CELF1: variants seen among roughly 807,000 people sequenced by gnomAD.
The protein encoded by CELF1 is 50 kDa nuclear polyadenylated RNA-binding protein.
In CELF1, 10 loss-of-function variants were observed where a neutral mutation model predicts 61.8. The observed-to-expected ratio is 0.16, with a 90% CI of 0.10 to 0.27. The LOEUF (loss-of-function observed/expected upper bound fraction) is 0.27. Among genes scored for constraint, CELF1 ranks in the 10% least tolerant of loss-of-function variants. The pLI, the probability that CELF1 is intolerant of heterozygous loss-of-function variation, is 1.00. For missense variants in CELF1, 380 were observed against 639.1 expected (o/e 0.59, Z 4.37); for synonymous variants, 236 against 225.1 (o/e 1.05, Z -0.43).
intron 1 of CELF1, among the ~76,000 whole-genome samples, chr11:47,517,688 T>C (rs1290833930): frequency 2.0e-5 from 3 of 151,668 alleles, no homozygotes; most frequent in African/African-American, 7.3e-5. Context: ...GTTATGCTCT[T>C]GTTGCCCAGG....
intron 1 of CELF1, among the ~76,000 whole-genome samples, chr11:47,508,436 AGTT>A (rs1403276455): frequency 4.6e-5 from 7 of 152,096 alleles, no homozygotes; most frequent in Non-Finnish European, 8.8e-5. Context: ...GGAGATCTGG[AGTT>A]GTTAAGAAAG....
intron 3 of CELF1, chr11:47,494,581 A>C (rs1180169350): frequency 3.9e-6 from 3 of 765,516 alleles, no homozygotes; most frequent in African/African-American, 1.9e-5. Flanking sequence ...CCCCTCTCAA[A>C]ATTTCCCCAC....
intron 1 of CELF1, among the ~76,000 whole-genome samples, chr11:47,515,408 A>T (rs1264536951): frequency 6.6e-6 from 1 of 152,170 alleles, no homozygotes; most frequent in Non-Finnish European, 1.5e-5. Flanking sequence ...CACTTGCTCA[A>T]ATCTGGCATG....
rs961930086 is a variant in CELF1 at position 47,469,425 on chromosome 11, T to C, written c.*2805A>G. 1 of 152,284 alleles carries C rather than the reference T, an allele frequency of 6.6e-6. No homozygotes were observed. The allele number at this position is 152,284 out of a possible 1,614,324, so 9.4% of individuals were successfully genotyped here. On this transcript the variant is annotated 3_prime_UTR_variant, in exon 15 of 15. Coordinates refer to ENST00000687097, the MANE Select transcript of CELF1 (RefSeq NM_001376376.1). ...CATTCAAGGCAAATCAATTTCATGA[T>C]GTAACCCAAGTAAGAAACAAAACTA... is the stretch of plus-strand genomic sequence containing the variant.
At chr11:47,490,865 C>CTTT (rs753432504) in intron 3 of CELF1, among the ~76,000 whole-genome samples, 1 of 141,364 alleles carries the variant, frequency 7.1e-6, no homozygotes, top group African/African-American at 2.6e-5. Flanking sequence ...TATTTTCTTT[C>CTTT]TTTTTTTTTT....
At chr11:47,524,844 CA>C (rs1387480171) in intron 1 of CELF1, 1 of 152,210 alleles carries the variant, frequency 6.6e-6, no homozygotes, top group Non-Finnish European at 1.5e-5. Flanking sequence ...AATTATCTCA[CA>C]CACATGCATT....
chr11:47,552,449 G>A (rs775029413), intron 1 of CELF1, among the ~76,000 whole-genome samples: 7 of 152,230 alleles, frequency 4.6e-5, no homozygotes, highest in African/African-American at 1.7e-4. Flanking sequence ...CACCTGATGT[G>A]GGGGGAGGGC....
chr11:47,537,806 G>A (rs1251310150), intron 1 of CELF1, among the ~76,000 whole-genome samples: 3 of 151,946 alleles, frequency 2.0e-5, no homozygotes, highest in South Asian at 2.1e-4. Context: ...CAAGGCCCCA[G>A]TACTTATGTA....
chr11:47,536,334 CCAT>C (rs2096628522), intron 1 of CELF1, among the ~76,000 whole-genome samples: 3 of 152,146 alleles, frequency 2.0e-5, no homozygotes, highest in Admixed American at 6.6e-5. Context: ...CCACTGTACT[CCAT>C]CGTGGGCGAC....
intron 1 of CELF1, among the ~76,000 whole-genome samples, chr11:47,525,355 T>C (rs1388213526): frequency 6.6e-6 from 1 of 152,248 alleles, no homozygotes; most frequent in Admixed American, 6.5e-5. Flanking sequence ...ATGTGAAGTA[T>C]GTGAAAAGCT....
intron 1 of CELF1, among the ~76,000 whole-genome samples, chr11:47,518,519 C>T (rs1205912387): frequency 6.6e-6 from 1 of 152,218 alleles, no homozygotes; most frequent in Admixed American, 6.5e-5. Flanking sequence ...AAAAACCCTA[C>T]AGTCCCTGCA....
chr11:47,564,089 G>A (rs1444327363), intron 2 of CELF1, among the ~76,000 whole-genome samples: 3 of 149,836 alleles, frequency 2.0e-5, no homozygotes, highest in Non-Finnish European at 4.4e-5. Flanking sequence ...ACTTTGGGAG[G>A]CTGAGGCTGG....
intron 3 of CELF1, among the ~76,000 whole-genome samples, chr11:47,494,175 C>A (rs1335052263): frequency 6.6e-6 from 1 of 152,162 alleles, no homozygotes; most frequent in African/African-American, 2.4e-5. Flanking sequence ...CAGCCCTGAC[C>A]TGGGAACAGG....
At chr11:47,561,811 A>C (rs1413774787) in intron 2 of CELF1, among the ~76,000 whole-genome samples, 2 of 152,234 alleles carry the variant, frequency 1.3e-5, no homozygotes, top group African/African-American at 4.8e-5. Context: ...TGGTCTGTCC[A>C]TACATTGAAA....
chr11:47,476,449 G>A (rs1047419543), intron 12 of CELF1, among the ~76,000 whole-genome samples: 2 of 151,750 alleles, frequency 1.3e-5, no homozygotes, highest in East Asian at 1.9e-4. Context: ...TTTTTGAGAC[G>A]GACTCTCGCT....
At chr11:47,487,599 C>T (rs979025419) in intron 4 of CELF1, among the ~76,000 whole-genome samples, 1 of 152,186 alleles carries the variant, frequency 6.6e-6, no homozygotes, top group African/African-American at 2.4e-5. Context: ...ACAGATGGGG[C>T]TCTATACTTT....
intron 6 of CELF1, 102 bp from the exon 7 acceptor site, chr11:47,484,625 A>C: frequency 1.1e-6 from 1 of 879,874 alleles, no homozygotes; most frequent in Non-Finnish European, 1.8e-6. Context: ...CTGGCTCTGT[A>C]CCATATTTTA....
chr11:47,527,862 G>A (rs562444062), intron 1 of CELF1, among the ~76,000 whole-genome samples: 16 of 152,124 alleles, frequency 1.1e-4, no homozygotes, highest in East Asian at 1.9e-4. Context: ...TTGGGAGGCC[G>A]AGGCAGGTGG....
upstream of CELF1, among the ~76,000 whole-genome samples, chr11:47,557,208 TTTTG>T (rs1343999136): frequency 2.7e-5 from 4 of 147,902 alleles, no homozygotes; most frequent in Non-Finnish European, 6.0e-5. Context: ...TCTTTCTTGG[TTTTG>T]TTTGTTTTGT....
Sources: allele counts gnomAD v4.1 joint callset (sites outside exome capture counted in the v4.1 genomes callset), GRCh38; gene constraint gnomAD v4.1.1; transcripts MANE v1.5; gene names NCBI Gene and HGNC (gene_info 2026-07-23, HGNC 2026-07-21).